The following YJU2B variants were observed in gnomAD, a reference collection of about 807,000 sequenced individuals.
YJU2B encodes YJU2 splicing factor homolog B, also known as probable splicing factor YJU2B.
YJU2B carries 18 observed loss-of-function variants against 38.0 expected under a neutral mutation model. That is an observed-to-expected ratio of 0.47 (90% CI 0.33 to 0.70). YJU2B has a LOEUF of 0.70. Among genes scored for constraint, YJU2B ranks in the 30% least tolerant of loss-of-function variants. The probability of loss-of-function intolerance (pLI) is 0.02; values close to 1 mark genes in which losing one functional copy is unlikely to be tolerated. For synonymous variants in YJU2B, 246 were observed against 225.4 expected (o/e 1.09, Z -0.82); for missense variants, 538 against 556.3 (o/e 0.97, Z 0.33).
At chr19:13,738,002 G>C (rs142778967) in intron 2 of YJU2B, among the ~76,000 whole-genome samples, 334 of 152,244 alleles carry the variant, frequency 2.2e-3, no homozygotes, top group African/African-American at 7.7e-3. Context: ...CTTCGAAACA[G>C]GCCATCTGCC....
intron 2 of YJU2B, among the ~76,000 whole-genome samples, chr19:13,753,271 G>A (rs1973537503): frequency 6.6e-6 from 1 of 152,134 alleles, no homozygotes; most frequent in African/African-American, 2.4e-5. Flanking sequence ...GTCTCACGCT[G>A]CTCATAAAGA....
intron 4 of YJU2B, 143 bp downstream of exon 4, chr19:13,756,422 G>A (rs1026832934): frequency 6.2e-5 from 42 of 672,330 alleles, no homozygotes; most frequent in Non-Finnish European, 1.1e-4. Context: ...AGTTATTGCC[G>A]TGTGACAAAA....
intron 8 of YJU2B, among the ~76,000 whole-genome samples, chr19:13,760,792 G>A (rs145000128): frequency 6.8e-4 from 104 of 151,962 alleles, no homozygotes; most frequent in Admixed American, 3.0e-3. Flanking sequence ...TTTTTGCTTA[G>A]ACTGAGTCTC....
Position 13,752,147 on chromosome 19 carries a change from G to A in YJU2B, c.3+336G>A, listed in dbSNP as rs751613805. Among the ~76,000 whole-genome samples the A allele has an allele frequency of 3.3e-5, 5 of 152,066 alleles. No individual in the cohort carries two copies. In the Middle Eastern group the frequency reaches 0.014, roughly 414 times the overall value. Reference sequence around the variant, plus strand: ...TTTTTGTATTTTTAGTAGAGACGGGGTTTTGCCATGTTGGTCAGGCTGGTC... The same window carrying A: ...TTTTTGTATTTTTAGTAGAGACGGGATTTTGCCATGTTGGTCAGGCTGGTC... On this transcript the variant is annotated intron_variant, in intron 2 of 9. Coordinates refer to ENST00000221554, the MANE Select transcript of YJU2B (RefSeq NM_030818.4).
At chr19:13,735,268 T>C (rs1599485430) in intron 2 of YJU2B, among the ~76,000 whole-genome samples, 1 of 152,212 alleles carries the variant, frequency 6.6e-6, no homozygotes, top group South Asian at 2.1e-4. Context: ...TGAGCCGAGA[T>C]TGCGCCACCG....
At position 13,751,668 on chromosome 19, in the gene YJU2B, C is replaced by A; in HGVS notation, c.-141C>A. ...GGAGTCTTGTCTGAGCTGGCACCAC[C>A]ACACGGCCCACGACATCTTCGCAGG... On this transcript the variant is annotated 5_prime_UTR_variant, in exon 2 of 10. Coordinates refer to ENST00000221554, the MANE Select transcript of YJU2B (RefSeq NM_030818.4). 1 of 844,564 alleles carries A rather than the reference C, an allele frequency of 1.2e-6. No individual in the cohort carries two copies. The allele number at this position is 844,564 out of a possible 1,614,324, so 52.3% of individuals were successfully genotyped here. A position where few individuals can be genotyped will look rare whatever the true frequency, so the allele number is the denominator to read the frequency against.
rs1316528137 is a variant in YJU2B, at chr19:13,757,776, C to T, written c.197-10C>T. Reference sequence around the variant, plus strand: ...AATGAAATTACCACCCCCGCCTGACCCCCTTCCAGGTGTTCGTTACAATGC... The same window carrying T: ...AATGAAATTACCACCCCCGCCTGACTCCCTTCCAGGTGTTCGTTACAATGC... On this transcript the variant is annotated splice_polypyrimidine_tract_variant and intron_variant, in intron 5 of 9. Coordinates refer to ENST00000221554, the MANE Select transcript of YJU2B (RefSeq NM_030818.4). 2 of 1,613,770 alleles carry T rather than the reference C, an allele frequency of 1.2e-6. No individual in the cohort carries two copies. The highest frequency in any genetic ancestry group is 1.7e-6 in the Non-Finnish European group (2 of 1,179,762).
chr19:13,734,751 G>A (rs781210325), intron 2 of YJU2B, among the ~76,000 whole-genome samples: 44 of 152,038 alleles, frequency 2.9e-4, no homozygotes, highest in Non-Finnish European at 5.4e-4. Context: ...ACCATGCACA[G>A]CTAATTGGTT....
At chr19:13,746,141 A>G (rs1568281558), upstream of YJU2B, among the ~76,000 whole-genome samples, 1 of 152,038 alleles carries the variant, frequency 6.6e-6, no homozygotes, top group East Asian at 1.9e-4. Context: ...AGTCCCAGCT[A>G]CCTGGGAGGC....
At chr19:13,732,466 G>A (rs1166657597) in intron 2 of YJU2B, 3 of 151,960 alleles carry the variant, frequency 2.0e-5, no homozygotes, top group Non-Finnish European at 4.4e-5. Flanking sequence ...ACCTTGACAG[G>A]CCTGGTGGCC....
chr19:13,744,415 C>G (rs990270785), upstream of YJU2B, among the ~76,000 whole-genome samples: 2 of 152,126 alleles, frequency 1.3e-5, no homozygotes, highest in Non-Finnish European at 2.9e-5. Flanking sequence ...AATTCAGGGA[C>G]ATATGTTAAG....
chr19:13,756,238 G>C lies in YJU2B; in HGVS notation c.99G>C (p.Arg33=), dbSNP rs1420269157. The change falls in exon 4 of 10, where the codon CGG becomes CGC. Residue 33 remains arginine (R), a synonymous_variant. Coordinates refer to ENST00000221554, the MANE Select transcript of YJU2B (RefSeq NM_030818.4). ...LNRYHNSHPL[R]ERARKLSQGI... ...GATACCACAACAGCCACCCGCTTCG[G>C]GAGCGGGCTCGGAAGCTGTCACAGG... is the stretch of plus-strand genomic sequence containing the variant. 1 of 1,613,980 alleles carries C rather than the reference G, an allele frequency of 6.2e-7. No individual in the cohort carries two copies. The highest frequency in any genetic ancestry group is 1.3e-5 in the African/African-American group (1 of 74,918).
At chr19:13,753,853 A>G (rs1352356391) in intron 2 of YJU2B, among the ~76,000 whole-genome samples, 1 of 152,058 alleles carries the variant, frequency 6.6e-6, no homozygotes, top group Non-Finnish European at 1.5e-5. Flanking sequence ...ACCTCCCACC[A>G]GGTCCCTCCC....
intron 2 of YJU2B, among the ~76,000 whole-genome samples, chr19:13,738,325 CATT>C (rs1355566925): frequency 6.6e-6 from 1 of 152,186 alleles, no homozygotes; most frequent in African/African-American, 2.4e-5. Context: ...GCTCTTACAT[CATT>C]GTCATCATAG....
At chr19:13,743,185 G>T (rs929914596), upstream of YJU2B, among the ~76,000 whole-genome samples, 1 of 151,760 alleles carries the variant, frequency 6.6e-6, no homozygotes, top group Non-Finnish European at 1.5e-5. Flanking sequence ...TAAACCAGAA[G>T]CTACAAGCAA....
chr19:13,762,963 G>C lies in YJU2B; in HGVS notation c.1086G>C (p.Ser362=). The change falls in exon 10 of 10, where the codon TCG becomes TCC. Residue 362 remains serine (S), a synonymous_variant. Coordinates refer to ENST00000221554, the MANE Select transcript of YJU2B (RefSeq NM_030818.4). ...QEGSRQDKPL[S]PAGSSQEAAD... ...GGAGCCGTCAGGACAAGCCCCTGTC[G>C]CCAGCAGGCTCCTCCCAGGAGGCAG... is the stretch of plus-strand genomic sequence containing the variant. 1 of 1,611,710 alleles carries C rather than the reference G, an allele frequency of 6.2e-7. No homozygotes were observed. Among genetic ancestry groups the C allele is most frequent in the Non-Finnish European group, 8.5e-7 (1 of 1,179,570 alleles).
At chr19:13,753,574 CAAAAAAAA>C (rs34397712) in intron 2 of YJU2B, among the ~76,000 whole-genome samples, 16,867 of 72,064 alleles carry the variant, frequency 0.23, 1,249 homozygotes, top group South Asian at 0.42. Context: ...AACTCTGTCT[CAAAAAAAA>C]AAAAAAAAAA....
chr19:13,741,801 G>A (rs765326735), intron 2 of YJU2B, among the ~76,000 whole-genome samples: 1 of 151,998 alleles, frequency 6.6e-6, no homozygotes, highest in Non-Finnish European at 1.5e-5. Flanking sequence ...TCAGAACCAA[G>A]GACTTCCTAA....
At chr19:13,745,715 ATCTATAGATATC>A (rs1568281048), upstream of YJU2B, among the ~76,000 whole-genome samples, 1 of 29,440 alleles carries the variant, frequency 3.4e-5, no homozygotes, top group Non-Finnish European at 7.2e-5. Context: ...ATATCTATAG[ATCTATAGATATC>A]TATATATATA....
Sources: gnomAD v4.1 joint callset for allele counts (sites outside exome capture counted in the v4.1 genomes callset) on GRCh38, gnomAD v4.1.1 for gene constraint, MANE v1.5 for transcripts, NCBI Gene and HGNC (gene_info 2026-07-23, HGNC 2026-07-21) for gene names.